TBXA2R: variants seen among roughly 807,000 people sequenced by gnomAD.
TBXA2R encodes the protein thromboxane A2 receptor, also known as prostanoid TP receptor.
In TBXA2R, 15 loss-of-function variants were observed where a neutral mutation model predicts 15.6. The ratio of observed to expected loss-of-function variants is 0.96; its 90% CI spans 0.64 to 1.48. TBXA2R has a LOEUF of 1.48. Ranked by LOEUF, TBXA2R falls within the 40% of genes most tolerant of loss-of-function variation. The pLI is 0.00. For missense variants in TBXA2R, 506 were observed against 491.4 expected (o/e 1.03, Z -0.28); for synonymous variants, 280 against 241.2 (o/e 1.16, Z -1.49).
Position 3,595,770 on chromosome 19 carries a change from C to T in TBXA2R, c.950G>A (p.Arg317Gln), listed in dbSNP as rs751122972. ...VYILFRRAVL[R>Q]RLQPRLSTRP... ...GGTGCTGAGGCGAGGCTGGAGACGC[C>T]GGAGCACGGCGCGGCGGAACAGGAT... The change falls in exon 3 of 3, where the codon CGG becomes CAG. Residue 317 changes from arginine to glutamine, a missense_variant. Physicochemically the swap from Arg to Gln is conservative, Grantham distance 43. Coordinates refer to ENST00000375190, the MANE Select transcript of TBXA2R (RefSeq NM_001060.6). 5 of 1,609,090 alleles carry T rather than the reference C, an allele frequency of 3.1e-6. No homozygotes were observed. The highest frequency in any genetic ancestry group is 4.5e-5 in the East Asian group (2 of 44,718).
At chr19:3,596,418 G>C (rs896689816) in intron 2 of TBXA2R, among the ~76,000 whole-genome samples, 1 of 152,080 alleles carries the variant, frequency 6.6e-6, no homozygotes, top group Non-Finnish European at 1.5e-5. Flanking sequence ...ATAAATTAGC[G>C]CACTCTTAGC....
intron 1 of TBXA2R, among the ~76,000 whole-genome samples, chr19:3,602,665 G>T (rs146834384): frequency 6.6e-6 from 1 of 150,804 alleles, no homozygotes; most frequent in Admixed American, 6.6e-5. Flanking sequence ...GCTTGAACCC[G>T]ACAGGGGAAG....
intron 1 of TBXA2R, among the ~76,000 whole-genome samples, chr19:3,604,776 T>C (rs2032799560): frequency 6.6e-6 from 1 of 152,158 alleles, no homozygotes; most frequent in African/African-American, 2.4e-5. Context: ...CTCCTGGCTG[T>C]ACTCACAGCT....
At position 3,594,795 on chromosome 19, in the gene TBXA2R, A is replaced by G. The variant is rs1294751125; in HGVS notation, c.*893T>C. 1 of 1,488,030 alleles carries G rather than the reference A, an allele frequency of 6.7e-7. No individual in the cohort carries two copies. The highest frequency in any genetic ancestry group is 2.5e-5 in the East Asian group (1 of 40,422). 92.2% of individuals were successfully genotyped at this position (1,488,030 alleles called of 1,614,324 possible). A position where few individuals can be genotyped will look rare whatever the true frequency, so the allele number is the denominator to read the frequency against. Reference sequence around the variant, plus strand: ...CAAAGGAAAATAAAACCAAAGGCAGAGATATATTTTGGCAAGAAAAGGGGG... The same window carrying G: ...CAAAGGAAAATAAAACCAAAGGCAGGGATATATTTTGGCAAGAAAAGGGGG... On this transcript the variant is annotated 3_prime_UTR_variant, in exon 3 of 3. Transcript: ENST00000375190.
rs556260806 is a variant in TBXA2R at position 3,598,655 on chromosome 19, TTTTG to T, written c.786+1190_786+1193del. ...ACATGAGCCACCGTGGCTGGCCTGTTTTTGTTTGTTTGTTTGTTTTTGTTTTTGT... is the reference window on the plus strand; with the variant it reads ...ACATGAGCCACCGTGGCTGGCCTGTTTTTGTTTGTTTGTTTTTGTTTTTGT... On this transcript the variant is annotated intron_variant, in intron 2 of 2. Coordinates refer to ENST00000375190, the MANE Select transcript of TBXA2R (RefSeq NM_001060.6). 2.0e-3 allele frequency among the ~76,000 whole-genome samples: 297 copies of T among 150,094 alleles called. 1 individual carries two copies. Among genetic ancestry groups the T allele is most frequent in the Middle Eastern group, 3.4e-3 (1 of 292 alleles).
rs1599868372 is a variant in TBXA2R, at chr19:3,595,160, C to T, written c.*528G>A. The T allele has an allele frequency of 1.6e-6, 1 of 628,462 alleles. No homozygotes were observed. Among genetic ancestry groups the T allele is most frequent in the Non-Finnish European group, 2.6e-6 (1 of 378,806 alleles). 38.9% of individuals were successfully genotyped at this position (628,462 alleles called of 1,614,324 possible). ...TTGGGAGGCTGAGGCTGGTGAATCACCTGAGGTCAGGAGTTCAAGACCAGC... is the reference window on the plus strand; with the variant it reads ...TTGGGAGGCTGAGGCTGGTGAATCATCTGAGGTCAGGAGTTCAAGACCAGC... On this transcript the variant is annotated 3_prime_UTR_variant, in exon 3 of 3. Transcript: ENST00000375190.
rs762532076 is a variant in TBXA2R at position 3,600,455 on chromosome 19, G to A, written c.180C>T (p.Arg60=). Residue 60 remains arginine (R), a synonymous_variant, in exon 2 of 3, where the codon CGC becomes CGT. Transcript: ENST00000375190. ...CGCAGAGGAAGGTGAGGAAGGAGGA[G>A]CGCGTGTGCGAACCCCCCTGCCGCG... The part of the protein sequence containing the change: ...AGARQGGSHT[R]SSFLTFLCGL... The A allele has an allele frequency of 3.7e-6, 6 of 1,612,824 alleles. No homozygotes were observed. Among genetic ancestry groups the A allele is most frequent in the South Asian group, 1.1e-5 (1 of 91,070 alleles).
chr19:3,598,506 A>G (rs2032647192), intron 2 of TBXA2R, among the ~76,000 whole-genome samples: 2 of 150,072 alleles, frequency 1.3e-5, no homozygotes, highest in Admixed American at 1.3e-4. Context: ...GTGTGCCATC[A>G]TGGTTAGTTA....
In TBXA2R at chr19:3,594,790, G is replaced by A. The variant is rs532037213; in HGVS notation, c.*898C>T. 2.0e-5 allele frequency: 29 copies of A among 1,482,126 alleles called. No homozygotes were observed. The East Asian group carries it at 6.2e-4, about 32-fold the overall frequency. 91.8% of individuals were successfully genotyped at this position (1,482,126 alleles called of 1,614,324 possible). A position where few individuals can be genotyped will look rare whatever the true frequency, so the allele number is the denominator to read the frequency against. On this transcript the variant is annotated 3_prime_UTR_variant, in exon 3 of 3. Transcript: ENST00000375190. ...GGACCCAAAGGAAAATAAAACCAAA[G>A]GCAGAGATATATTTTGGCAAGAAAA...
At chr19:3,598,350 C>CTTTTTTTTTTTTTTTTTTT (rs1177792648) in intron 2 of TBXA2R, among the ~76,000 whole-genome samples, 1 of 56,574 alleles carries the variant, frequency 1.8e-5, no homozygotes, top group African/African-American at 6.2e-5. Flanking sequence ...CTTTTCTTTT[C>CTTTTTTTTTTTTTTTTTTT]TTTTTTTTTT....
chr19:3,599,808 C>A (rs1280667063), intron 2 of TBXA2R, 41 bp downstream of exon 2: 2 of 1,548,508 alleles, frequency 1.3e-6, no homozygotes, highest in Admixed American at 2.0e-5. Context: ...ACCAGAGGTC[C>A]AGTCAGGAGG....
rs1440521376 is a variant in TBXA2R, at chr19:3,606,848, C to G, written c.-402G>C. 1 of 152,182 alleles carries G rather than the reference C, an allele frequency of 6.6e-6. No homozygotes were observed. The highest frequency in any genetic ancestry group is 2.4e-5 in the African/African-American group (1 of 41,430). 9.4% of individuals were successfully genotyped at this position (152,182 alleles called of 1,614,324 possible). On this transcript the variant is annotated 5_prime_UTR_variant, in exon 1 of 3. Transcript: ENST00000375190. ...GGACGGGTGGGGGCCGCTGGCAGCCCGCGGCTCGCTCTCTCCGTCCAGTCT... is the reference window on the plus strand; with the variant it reads ...GGACGGGTGGGGGCCGCTGGCAGCCGGCGGCTCGCTCTCTCCGTCCAGTCT...
chr19:3,597,737 C>T (rs935763149), intron 2 of TBXA2R, among the ~76,000 whole-genome samples: 1 of 152,080 alleles, frequency 6.6e-6, no homozygotes, highest in Non-Finnish European at 1.5e-5. Context: ...TTGAGACCAT[C>T]CTGGCTAACA....
chr19:3,602,009 CAGG>C (rs1384226205), intron 1 of TBXA2R, among the ~76,000 whole-genome samples: 1 of 151,338 alleles, frequency 6.6e-6, no homozygotes, highest in African/African-American at 2.4e-5. Context: ...ATCACGAGGT[CAGG>C]AGATCGAGAC....
chr19:3,595,996 C>T (rs1435896845), intron 2 of TBXA2R, 63 bp from the exon 3 acceptor site: 24 of 1,537,294 alleles, frequency 1.6e-5, no homozygotes, highest in Non-Finnish European at 2.0e-5. Context: ...CCGGTCCCTG[C>T]CCGGGGTCCC....
At position 3,594,985 on chromosome 19, in the gene TBXA2R, C is replaced by T; in HGVS notation, c.*703G>A. ...ATCCCAGCTGCTCGGGAGGCTGAGG[C>T]ACGAGAATCGCTTGAACCCGGGAGG... On this transcript the variant is annotated 3_prime_UTR_variant, in exon 3 of 3. Transcript: ENST00000375190. 1 of 1,523,234 alleles carries T rather than the reference C, an allele frequency of 6.6e-7. No individual in the cohort carries two copies. 94.4% of individuals were successfully genotyped at this position (1,523,234 alleles called of 1,614,324 possible). A position where few individuals can be genotyped will look rare whatever the true frequency, so the allele number is the denominator to read the frequency against.
chr19:3,597,747 A>T (rs2032630260), intron 2 of TBXA2R, among the ~76,000 whole-genome samples: 1 of 152,068 alleles, frequency 6.6e-6, no homozygotes, highest in South Asian at 2.1e-4. Flanking sequence ...CCTGGCTAAC[A>T]CGATGAAACC....
intron 1 of TBXA2R, among the ~76,000 whole-genome samples, chr19:3,604,325 G>A (rs928265978): frequency 2.6e-5 from 4 of 152,126 alleles, no homozygotes; most frequent in African/African-American, 4.8e-5. Flanking sequence ...CGTGTGACTC[G>A]GAGGGCTCTG....
At chr19:3,605,112 C>T (rs771571904) in intron 1 of TBXA2R, among the ~76,000 whole-genome samples, 12 of 152,250 alleles carry the variant, frequency 7.9e-5, no homozygotes, top group Non-Finnish European at 1.5e-4. Flanking sequence ...AGCCAGACTC[C>T]GGCCAGCCTT....
Sources: gnomAD v4.1 joint callset for allele counts (sites outside exome capture counted in the v4.1 genomes callset) on GRCh38, gnomAD v4.1.1 for gene constraint, MANE v1.5 for transcripts, NCBI Gene and HGNC (gene_info 2026-07-23, HGNC 2026-07-21) for gene names.